MYH9: variants seen among roughly 807,000 people sequenced by gnomAD.
MYH9 encodes the protein myosin heavy chain 9.
In MYH9, 29 loss-of-function variants were observed where a neutral mutation model predicts 241.9. That is an observed-to-expected ratio of 0.12 (90% CI 0.09 to 0.16). The LOEUF (loss-of-function observed/expected upper bound fraction) is 0.16, where lower values mean the gene tolerates loss of function less well. Among genes scored for constraint, MYH9 ranks in the 10% least tolerant of loss-of-function variants. MYH9 has a pLI of 1.00. For missense variants in MYH9, 1,803 were observed against 2,595.5 expected, an observed-to-expected ratio of 0.69 and a Z score of 6.63; for synonymous variants, 1,047 against 1,062.6, an observed-to-expected ratio of 0.99 and a Z score of 0.29.
At chr22:36,319,723 G>T in intron 9 of MYH9, 88 bp from the exon 10 acceptor site, 1 of 1,290,784 alleles carries the variant, frequency 7.7e-7, no homozygotes, top group Non-Finnish European at 1.1e-6. Context: ...GGATCCTCAA[G>T]CCAGACAAGC....
At chr22:36,347,776 T>G (rs1400495013) in intron 2 of MYH9, among the ~76,000 whole-genome samples, 2 of 135,310 alleles carry the variant, frequency 1.5e-5, no homozygotes, top group Non-Finnish European at 3.1e-5. Flanking sequence ...GAGACCAGAC[T>G]GGCCAATTAA....
chr22:36,291,506 C>T (rs1454420486), intron 31 of MYH9, among the ~76,000 whole-genome samples: 1 of 151,638 alleles, frequency 6.6e-6, no homozygotes, highest in East Asian at 1.9e-4. Context: ...CATCACCACT[C>T]CCTAATCTCA....
chr22:36,301,793 G>A, intron 20 of MYH9, 128 bp from the exon 21 acceptor site: 6 of 1,315,806 alleles, frequency 4.6e-6, no homozygotes, highest in Middle Eastern at 2.5e-4. Context: ...CTGTGGTGGG[G>A]GCTGCAAGCA....
rs1368787682 is a variant in MYH9, at chr22:36,327,341, G to A, written c.518+120C>T. On this transcript the variant is annotated intron_variant, in intron 4 of 40. Transcript: ENST00000216181. ...TCCTATCCCTTGGAGAAGTGGAGGA[G>A]GGGCCTTGAATTGGGAATGGGGGAC... 4.4e-6 allele frequency: 5 copies of A among 1,147,128 alleles called. No individual in the cohort carries two copies. In the African/African-American group the frequency reaches 4.6e-5, roughly 10 times the overall value. 71.1% of individuals were successfully genotyped at this position (1,147,128 alleles called of 1,614,324 possible). A position where few individuals can be genotyped will look rare whatever the true frequency, so the allele number is the denominator to read the frequency against.
chr22:36,305,356 G>A lies in MYH9; in HGVS notation c.2160-254C>T, dbSNP rs1054754839. ...AGGACCGTTTCAATCACTCAAGGGC[G>A]TGCTTCAGGTTGGACTAAGTGCTAA... On this transcript the variant is annotated intron_variant, in intron 17 of 40. Coordinates refer to ENST00000216181, the MANE Select transcript of MYH9 (RefSeq NM_002473.6). This position sits in a 1 kb window ranked among gnomAD's most constrained non-coding sequence, Gnocchi z 4.7. 3.3e-5 allele frequency among the ~76,000 whole-genome samples: 5 copies of A among 152,152 alleles called. No homozygotes were observed. The highest frequency in any genetic ancestry group is 5.9e-5 in the Non-Finnish European group (4 of 68,026).
chr22:36,316,747 C>T, intron 11 of MYH9, 78 bp from the exon 12 acceptor site: 1 of 1,574,216 alleles, frequency 6.4e-7, no homozygotes, highest in Non-Finnish European at 8.7e-7. Context: ...CCAGTAATTT[C>T]ACTTTTAGAG....
At chr22:36,375,087 G>A (rs2018145732) in intron 1 of MYH9, among the ~76,000 whole-genome samples, 1 of 152,170 alleles carries the variant, frequency 6.6e-6, no homozygotes, top group Non-Finnish European at 1.5e-5. Context: ...CTAGCACCCA[G>A]CCAGTGCCTT....
chr22:36,348,843 C>A lies in MYH9; in HGVS notation c.333+61G>T, dbSNP rs56084634. On this transcript the variant is annotated intron_variant, in intron 2 of 40. Coordinates refer to ENST00000216181, the MANE Select transcript of MYH9 (RefSeq NM_002473.6). ...ACGTGAGGGTGATGGGAAGACCCGC[C>A]CCCCCCCCCCACCTCGGAGCCCTCA... The A allele has an allele frequency of 3.1e-4, 310 of 988,070 alleles. 10 individuals carry two copies. In the East Asian group the frequency reaches 0.027, roughly 87 times the overall value. The allele number at this position is 988,070 out of a possible 1,614,324, so 61.2% of individuals were successfully genotyped here. A position where few individuals can be genotyped will look rare whatever the true frequency, so the allele number is the denominator to read the frequency against.
At chr22:36,345,311 CAAAAA>C (rs61363468) in intron 2 of MYH9, among the ~76,000 whole-genome samples, 3 of 90,594 alleles carry the variant, frequency 3.3e-5, no homozygotes, top group African/African-American at 8.2e-5. Flanking sequence ...GACTCCGTCT[CAAAAA>C]AAAAAAAAAA....
At position 36,282,713 on chromosome 22, in the gene MYH9, C is replaced by G; in HGVS notation, c.5838G>C (p.Glu1946Asp). 6.2e-7 allele frequency: 1 copy of G among 1,614,056 alleles called. No homozygotes were observed. The highest frequency in any genetic ancestry group is 8.5e-7 in the Non-Finnish European group (1 of 1,180,038). Residue 1946 changes from glutamate to aspartate, a missense_variant, in exon 41 of 41, where the codon GAG becomes GAC. By Grantham distance (45) the Glu-to-Asp change is conservative. Coordinates refer to ENST00000216181, the MANE Select transcript of MYH9 (RefSeq NM_002473.6). ...RKGAGDGSDE[E>D]VDGKADGAEA... The stretch of plus-strand genomic sequence containing the variant: ...CAGCCCCATCCGCTTTGCCATCTAC[C>G]TCTTCGTCGGAGCCATCCCCGGCGC...
chr22:36,291,864 C>T, intron 31 of MYH9, 122 bp downstream of exon 31: 1 of 1,446,430 alleles, frequency 6.9e-7, no homozygotes, highest in African/African-American at 1.4e-5. Flanking sequence ...AAGCACTGGC[C>T]CCGCACGGCC....
rs144603068 is a variant in MYH9 at position 36,297,880 on chromosome 22, G to C, written c.3101-866C>G. On this transcript the variant is annotated intron_variant, in intron 24 of 40. Coordinates refer to ENST00000216181, the MANE Select transcript of MYH9 (RefSeq NM_002473.6). ...GACTGCCGGATCGTTCTCTAACGCC[G>C]TCTACCAGTTTGCAGTCCCAGCAGC... is the stretch of plus-strand genomic sequence containing the variant. Among the ~76,000 whole-genome samples the C allele has an allele frequency of 1.1e-4, 17 of 152,286 alleles. No individual in the cohort carries two copies. In the East Asian group the frequency reaches 3.1e-3, roughly 28 times the overall value.
chr22:36,323,683 T>C (rs553873792), intron 5 of MYH9, among the ~76,000 whole-genome samples: 186 of 152,194 alleles, frequency 1.2e-3, no homozygotes, highest in Non-Finnish European at 2.3e-3. Flanking sequence ...CCGAGCCAGA[T>C]TGGAAGCCCA....
chr22:36,374,481 G>A (rs2018136168), intron 1 of MYH9, among the ~76,000 whole-genome samples: 1 of 152,146 alleles, frequency 6.6e-6, no homozygotes, highest in South Asian at 2.1e-4. Context: ...GATTGTGACA[G>A]TACACTCCAG....
chr22:36,328,698 G>T (rs2017373755), intron 3 of MYH9, among the ~76,000 whole-genome samples: 1 of 152,260 alleles, frequency 6.6e-6, no homozygotes, highest in South Asian at 2.1e-4. Context: ...GCCACGATGG[G>T]TGGCAGTGGC....
At chr22:36,358,288 C>A (rs1227668993) in intron 1 of MYH9, among the ~76,000 whole-genome samples, 1 of 152,200 alleles carries the variant, frequency 6.6e-6, no homozygotes, top group Non-Finnish European at 1.5e-5. Flanking sequence ...TGGTCTCGAA[C>A]TCCTGAGCTC....
At chr22:36,350,348 A>T (rs1222591327) in intron 1 of MYH9, among the ~76,000 whole-genome samples, 1 of 152,180 alleles carries the variant, frequency 6.6e-6, no homozygotes, top group Non-Finnish European at 1.5e-5. Context: ...GACCAGCCTG[A>T]CCAACATGGA....
chr22:36,296,428 G>C (rs936544442), intron 25 of MYH9, among the ~76,000 whole-genome samples: 1 of 151,722 alleles, frequency 6.6e-6, no homozygotes, highest in Non-Finnish European at 1.5e-5. Context: ...AGGGATGGGG[G>C]TTTCACCATG....
intron 12 of MYH9, 114 bp downstream of exon 12, chr22:36,316,400 AAGG>A: frequency 2.0e-6 from 3 of 1,482,452 alleles, no homozygotes; most frequent in East Asian, 2.3e-5. Flanking sequence ...TCTTCATGCA[AAGG>A]AGATGGCCAA....
Sources: gnomAD v4.1 joint callset for allele counts (sites outside exome capture counted in the v4.1 genomes callset) on GRCh38, gnomAD v4.1.1 for gene constraint, Gnocchi (gnomAD v3.1) non-coding constraint, MANE v1.5 for transcripts, NCBI Gene and HGNC (gene_info 2026-07-23, HGNC 2026-07-21) for gene names.